ARMC2: variants seen among roughly 807,000 people sequenced by gnomAD.
ARMC2 encodes the protein armadillo repeat containing 2.
In ARMC2, 67 loss-of-function variants were observed where a neutral mutation model predicts 90.3. The ratio of observed to expected loss-of-function variants is 0.74; its 90% CI spans 0.61 to 0.91. The LOEUF is 0.91. ARMC2 is among the 40% of genes least tolerant of loss of function. The probability of loss-of-function intolerance (pLI) is 0.00; values close to 1 mark genes in which losing one functional copy is unlikely to be tolerated. For missense variants in ARMC2, 920 were observed against 1,030.9 expected (o/e 0.89, Z 1.47); for synonymous variants, 393 against 393.0 (o/e 1.00, Z 0.00).
chr6:108,958,143 G>T (rs1256568309), intron 13 of ARMC2, among the ~76,000 whole-genome samples: 4 of 152,174 alleles, frequency 2.6e-5, no homozygotes. Context: ...ATAAGGCCAT[G>T]ATGTGGGGAC....
the ARMC2 span, among the ~76,000 whole-genome samples, chr6:108,980,959 T>A: frequency 6.6e-6 from 1 of 152,186 alleles, no homozygotes. Flanking sequence ...GGTTCTAGTC[T>A]AGGGTTCATA....
At chr6:108,864,253 C>T (rs1368528379) in intron 3 of ARMC2, among the ~76,000 whole-genome samples, 3 of 136,900 alleles carry the variant, frequency 2.2e-5, no homozygotes, top group East Asian at 2.1e-4. Context: ...TTTTTCTTTT[C>T]TTTTTTTTTT....
the ARMC2 span, among the ~76,000 whole-genome samples, chr6:109,014,277 T>C: frequency 2.0e-5 from 3 of 152,342 alleles, no homozygotes; most frequent in South Asian, 2.1e-4. Context: ...TCTAGGCTGA[T>C]AATAATAAGA....
chr6:108,961,383 T>A (rs964363927), intron 13 of ARMC2, among the ~76,000 whole-genome samples, 189 bp from the exon 14 acceptor site: 7 of 152,168 alleles, frequency 4.6e-5, no homozygotes, highest in Admixed American at 3.3e-4. Context: ...GAGCAGGCCC[T>A]TGCATTTGGG....
At chr6:108,864,790 C>T (rs990234293) in intron 3 of ARMC2, among the ~76,000 whole-genome samples, 1 of 152,060 alleles carries the variant, frequency 6.6e-6, no homozygotes, top group Admixed American at 6.6e-5. Flanking sequence ...TGTGGTCAGC[C>T]TGATGGATAC....
chr6:108,959,810 C>T (rs1465259587), intron 13 of ARMC2, among the ~76,000 whole-genome samples: 4 of 152,092 alleles, frequency 2.6e-5, no homozygotes, highest in African/African-American at 4.8e-5. Flanking sequence ...CTCAGCCTCC[C>T]AAGTAGCTGA....
At chr6:108,889,241 G>C (rs1562355385) in intron 5 of ARMC2, among the ~76,000 whole-genome samples, 1 of 152,090 alleles carries the variant, frequency 6.6e-6, no homozygotes, top group Non-Finnish European at 1.5e-5. Context: ...TGCCCCCTGG[G>C]TTCAAGCGAT....
At chr6:108,987,241 G>C in the ARMC2 span, 2 of 255,568 alleles carry the variant, frequency 7.8e-6, no homozygotes, top group East Asian at 1.5e-4. Flanking sequence ...TAACATAAAA[G>C]CAACAGGATT....
At chr6:108,935,651 C>T (rs1051243363) in intron 11 of ARMC2, among the ~76,000 whole-genome samples, 2 of 152,076 alleles carry the variant, frequency 1.3e-5, no homozygotes, top group Non-Finnish European at 2.9e-5. Context: ...CCATGTTAGC[C>T]AGGCTGGTCT....
At chr6:108,945,194 T>C (rs1354557332) in intron 12 of ARMC2, among the ~76,000 whole-genome samples, 3 of 151,148 alleles carry the variant, frequency 2.0e-5, no homozygotes, top group Non-Finnish European at 4.4e-5. Flanking sequence ...AAGGAGGGAG[T>C]GGGGTTGCTA....
At position 108,932,516 on chromosome 6, in the gene ARMC2, C is replaced by CTTTTTTTTTTTTTTTT. The variant is rs60000198; in HGVS notation, c.1496+4295_1496+4310dup. Among the ~76,000 whole-genome samples, 4 of 77,894 alleles carry CTTTTTTTTTTTTTTTT rather than the reference C, an allele frequency of 5.1e-5. 1 individual carries two copies. The highest frequency in any genetic ancestry group is 1.8e-4 in the African/African-American group (3 of 17,010). The allele number at this position is 77,894 out of a possible 152,430, so 51.1% of individuals were successfully genotyped here. A position where few individuals can be genotyped will look rare whatever the true frequency, so the allele number is the denominator to read the frequency against. ...TAAACAGTGAGTCTTTTCTCCATTG[C>CTTTTTTTTTTTTTTTT]TTTTTTTTTTTTTTTTTTTTTTTTT... On this transcript the variant is annotated intron_variant, in intron 11 of 17. Transcript: ENST00000392644.
downstream of ARMC2, among the ~76,000 whole-genome samples, chr6:108,974,646 T>A (rs1458880580): frequency 6.6e-6 from 1 of 151,996 alleles, no homozygotes; most frequent in Non-Finnish European, 1.5e-5. Context: ...AGACCTCATC[T>A]CAACAACAAA....
intron 5 of ARMC2, among the ~76,000 whole-genome samples, chr6:108,891,456 AGAT>A (rs1290948470): frequency 1.3e-5 from 2 of 152,212 alleles, no homozygotes; most frequent in African/African-American, 4.8e-5. Flanking sequence ...ACCTGGAGTG[AGAT>A]GATATCTCAT....
Position 108,912,552 on chromosome 6 carries a change from A to T in ARMC2, c.1344A>T (p.Leu448=). ...TTTTGCCTAATTCGGGCCACTTGCT[A>T]GTCCAGGTAAGTATTTTACTTGAAA... ...GTFLPNSGHL[L]VQVTATLRNL... is the part of the protein sequence containing the mutation. The change falls in exon 10 of 18, where the codon CTA becomes CTT. Residue 448 remains leucine, a synonymous_variant. Transcript: ENST00000392644. The T allele has an allele frequency of 6.2e-7, 1 of 1,608,508 alleles. No individual in the cohort carries two copies.
intron 2 of ARMC2, chr6:108,856,572 CAGTT>C (rs1277220772): frequency 4.6e-6 from 1 of 217,532 alleles, no homozygotes; most frequent in Non-Finnish European, 9.8e-6. Context: ...AGGCTCATCA[CAGTT>C]AGATGAAAGC....
At chr6:109,011,289 C>T in the ARMC2 span, among the ~76,000 whole-genome samples, 1 of 152,320 alleles carries the variant, frequency 6.6e-6, no homozygotes, top group African/African-American at 2.4e-5. Context: ...AGAAATATTT[C>T]AGATATACTG....
the ARMC2 span, among the ~76,000 whole-genome samples, chr6:109,023,412 T>C: frequency 6.6e-6 from 1 of 152,224 alleles, no homozygotes. Context: ...CAGTTTACCA[T>C]GCTAACAGTG....
At chr6:108,907,307 A>T (rs1338263280) in intron 8 of ARMC2, among the ~76,000 whole-genome samples, 1 of 152,160 alleles carries the variant, frequency 6.6e-6, no homozygotes, top group Non-Finnish European at 1.5e-5. Flanking sequence ...CATCCTACAT[A>T]CTACATATAG....
At chr6:108,976,576 A>G (rs1475175021), downstream of ARMC2, among the ~76,000 whole-genome samples, 1 of 152,188 alleles carries the variant, frequency 6.6e-6, no homozygotes, top group Non-Finnish European at 1.5e-5. Context: ...ATAGCATTGA[A>G]TCTATAAAAT....
Sources: gnomAD v4.1 joint callset for allele counts (sites outside exome capture counted in the v4.1 genomes callset) on GRCh38, gnomAD v4.1.1 for gene constraint, MANE v1.5 for transcripts, NCBI Gene and HGNC (gene_info 2026-07-23, HGNC 2026-07-21) for gene names.